Variants in ACBD3 observed in about 807,000 individuals in gnomAD.
ACBD3 encodes acyl-CoA binding domain containing 3, also known as Golgi resident protein GCP60.
A neutral mutation model predicts 66.9 loss-of-function variants in ACBD3; 30 were observed. The observed-to-expected ratio is 0.45, with a 90% confidence interval of 0.34 to 0.61. The LOEUF is 0.61. Among genes scored for constraint, ACBD3 ranks in the 20% least tolerant of loss-of-function variants. The pLI is 0.02. For synonymous variants in ACBD3, 278 were observed against 259.8 expected (o/e 1.07, Z -0.68); for missense variants, 544 against 664.5 (o/e 0.82, Z 1.99).
chr1:226,181,901 G>C (rs12032630), intron 1 of ACBD3, among the ~76,000 whole-genome samples: 1 of 151,858 alleles, frequency 6.6e-6, no homozygotes, highest in Admixed American at 6.6e-5. Flanking sequence ...AACCCATGGA[G>C]ATAAGAAAAC....
rs1385900216 is a variant in ACBD3, at chr1:226,186,431, C to A, written c.245G>T (p.Gly82Val). 5.2e-6 allele frequency: 8 copies of A among 1,526,090 alleles called. No individual in the cohort carries two copies. Among genetic ancestry groups the A allele is most frequent in the Middle Eastern group, 1.9e-4 (1 of 5,248 alleles). 94.5% of individuals were successfully genotyped at this position (1,526,090 alleles called of 1,614,324 possible). ...ARRLEQRWGF[G>V]LEELYGLALR... The stretch of plus-strand genomic sequence containing the variant: ...TGCCAGGCCGTACAACTCCTCCAGG[C>A]CGAAACCCCAGCGCTGCTCCAGCCG... The change falls in exon 1 of 8, where the codon GGC becomes GTC. Residue 82 changes from glycine (G) to valine (V), a missense_variant. Transcript: ENST00000366812.
intron 1 of ACBD3, among the ~76,000 whole-genome samples, chr1:226,178,210 T>G (rs1331469259): frequency 6.6e-6 from 1 of 152,096 alleles, no homozygotes; most frequent in East Asian, 1.9e-4. Flanking sequence ...ACAGCATAAT[T>G]TGATACCAAG....
rs536679479 is a variant in ACBD3, at chr1:226,152,597, A to G, written c.1113T>C (p.Ala371=). ...GPKESLPVIA[A]PSMWTRPQIK... is the part of the protein sequence containing the mutation. ...TCTGAGGTCGTGTCCACATGGATGG[A>G]GCTGCTATTACTGGAAGAGATTCTA... The change falls in exon 7 of 8, where the codon GCT becomes GCC. Residue 371 remains alanine (A), a synonymous_variant. Transcript: ENST00000366812. The G allele has an allele frequency of 3.1e-6, 5 of 1,614,032 alleles. No individual in the cohort carries two copies. In the South Asian group the frequency reaches 3.3e-5, roughly 11 times the overall value.
chr1:226,161,383 C>A, intron 4 of ACBD3, 148 bp downstream of exon 4: 3 of 1,042,078 alleles, frequency 2.9e-6, no homozygotes, highest in South Asian at 3.1e-5. Context: ...CAGGTGATCT[C>A]CCAACCTCAG....
At chr1:226,182,541 G>A (rs1330117155) in intron 1 of ACBD3, among the ~76,000 whole-genome samples, 2 of 152,108 alleles carry the variant, frequency 1.3e-5, no homozygotes, top group African/African-American at 4.8e-5. Context: ...ATGAACCCAG[G>A]AGGCAGAGGT....
At chr1:226,167,425 C>T (rs1340751209) in intron 1 of ACBD3, among the ~76,000 whole-genome samples, 1 of 152,172 alleles carries the variant, frequency 6.6e-6, no homozygotes, top group Non-Finnish European at 1.5e-5. Flanking sequence ...ATTATTATTA[C>T]TAACTTATTA....
At chr1:226,166,476 G>T (rs531464097) in intron 1 of ACBD3, among the ~76,000 whole-genome samples, 1 of 148,388 alleles carries the variant, frequency 6.7e-6, no homozygotes, top group South Asian at 2.1e-4. Context: ...CGGAAATCCG[G>T]TATGCTGATT....
At chr1:226,179,292 T>C (rs1656119799) in intron 1 of ACBD3, among the ~76,000 whole-genome samples, 1 of 152,278 alleles carries the variant, frequency 6.6e-6, no homozygotes, top group African/African-American at 2.4e-5. Context: ...TGGCAGGGAC[T>C]TGAATTCCCA....
At chr1:226,164,216 T>C (rs535766632) in intron 3 of ACBD3, among the ~76,000 whole-genome samples, 14 of 150,530 alleles carry the variant, frequency 9.3e-5, no homozygotes, top group Middle Eastern at 3.5e-3. Flanking sequence ...ATAGTCAAAA[T>C]TGATGAAAAT....
chr1:226,159,474 G>C, intron 4 of ACBD3, 116 bp from the exon 5 acceptor site: 2 of 886,932 alleles, frequency 2.3e-6, no homozygotes, highest in South Asian at 3.9e-5. Context: ...AACTAAGCTA[G>C]TAATGTACAC....
At chr1:226,184,954 C>CAAAAAAA (rs56165469) in intron 1 of ACBD3, among the ~76,000 whole-genome samples, 1 of 91,184 alleles carries the variant, frequency 1.1e-5, no homozygotes. Context: ...GACTCCAGCT[C>CAAAAAAA]AAAAAAAAAA....
At chr1:226,147,926 A>G (rs1047626095) in intron 7 of ACBD3, 3 of 152,164 alleles carry the variant, frequency 2.0e-5, no homozygotes, top group African/African-American at 7.2e-5. Flanking sequence ...TTTCGGGTTT[A>G]TGGTTGTTGT....
At chr1:226,147,888 A>C (rs1248670337) in intron 7 of ACBD3, 1 of 152,226 alleles carries the variant, frequency 6.6e-6, no homozygotes, top group Non-Finnish European at 1.5e-5. Context: ...AAAGAGGTCA[A>C]GGGAGTATTC....
chr1:226,180,926 G>C (rs1558132330), intron 1 of ACBD3, among the ~76,000 whole-genome samples: 1 of 151,352 alleles, frequency 6.6e-6, no homozygotes, highest in Admixed American at 6.6e-5. Flanking sequence ...TTGAACCCAG[G>C]AGGCAGAGGC....
chr1:226,154,777 T>C lies in ACBD3; in HGVS notation c.960A>G (p.Ser320=). Reference sequence around the variant, plus strand: ...TTGGTACAGTTGCATTCACTTTTGATGATGTAGGCAAGGAAGACCCAGCCA... The same window carrying C: ...TTGGTACAGTTGCATTCACTTTTGACGATGTAGGCAAGGAAGACCCAGCCA... ...VVVAGSSLPT[S]SKVNATVPSN... Residue 320 remains serine (S), a synonymous_variant, in exon 6 of 8, where the codon TCA becomes TCG. Transcript: ENST00000366812. 6.2e-7 allele frequency: 1 copy of C among 1,613,360 alleles called. No homozygotes were observed. The highest frequency in any genetic ancestry group is 8.5e-7 in the Non-Finnish European group (1 of 1,179,624).
chr1:226,185,896 A>G (rs1656290326), intron 1 of ACBD3, among the ~76,000 whole-genome samples: 1 of 152,186 alleles, frequency 6.6e-6, no homozygotes, highest in Non-Finnish European at 1.5e-5. Flanking sequence ...GTCCTGTTCC[A>G]GTTTATGGTT....
chr1:226,180,157 C>A (rs186514982), intron 1 of ACBD3, among the ~76,000 whole-genome samples: 257 of 132,090 alleles, frequency 1.9e-3, no homozygotes, highest in Non-Finnish European at 3.3e-3. Flanking sequence ...GGCAACAGAG[C>A]AAGACTCTGT....
rs1231911193 is a variant in ACBD3 at position 226,166,005 on chromosome 1, A to G, written c.287-5T>C. On this transcript the variant is annotated splice_region_variant and splice_polypyrimidine_tract_variant and intron_variant, in intron 1 of 7. Transcript: ENST00000366812. ...GAAATGCTTTGCCATCTTTTTCTATAAGAAAAAGAAACACAAAGAAAACAA... is the reference window on the plus strand; with the variant it reads ...GAAATGCTTTGCCATCTTTTTCTATGAGAAAAAGAAACACAAAGAAAACAA... 1 of 1,599,690 alleles carries G rather than the reference A, an allele frequency of 6.3e-7. No homozygotes were observed. Among genetic ancestry groups the G allele is most frequent in the East Asian group, 2.2e-5 (1 of 44,762 alleles).
chr1:226,158,144 G>A (rs1659709154), intron 5 of ACBD3, among the ~76,000 whole-genome samples: 1 of 152,176 alleles, frequency 6.6e-6, no homozygotes, highest in South Asian at 2.1e-4. Context: ...TCTAACTGAT[G>A]CCAAAGACTC....
Sources: gnomAD v4.1 joint callset for allele counts (sites outside exome capture counted in the v4.1 genomes callset) on GRCh38, gnomAD v4.1.1 for gene constraint, MANE v1.5 for transcripts, NCBI Gene and HGNC (gene_info 2026-07-23, HGNC 2026-07-21) for gene names.